Variants in TBCK observed in about 807,000 individuals in gnomAD.
TBCK encodes the protein TBC domain-containing protein kinase-like protein.
A neutral mutation model predicts 113.4 loss-of-function variants in TBCK; 99 were observed. The ratio of observed to expected loss-of-function variants is 0.87; its 90% confidence interval spans 0.74 to 1.03. The LOEUF (loss-of-function observed/expected upper bound fraction) is 1.03, where lower values mean the gene tolerates loss of function less well. Ranked by LOEUF, TBCK falls within the 50% of genes least tolerant of loss-of-function variation. The pLI, the probability that TBCK is intolerant of heterozygous loss-of-function variation, is 0.00. For synonymous variants in TBCK, 369 were observed against 370.8 expected, an observed-to-expected ratio of 1.00 and a Z score of 0.05; for missense variants, 1,045 against 1,061.3, an observed-to-expected ratio of 0.98 and a Z score of 0.21.
intron 2 of TBCK, among the ~76,000 whole-genome samples, chr4:106,302,234 C>A (rs986535925): frequency 2.6e-5 from 4 of 152,102 alleles, no homozygotes; most frequent in African/African-American, 9.7e-5. Context: ...AGTAGCAGGG[C>A]AGGTCAGGGA....
Position 106,247,238 on chromosome 4 carries a change from G to A in TBCK, c.832C>T (p.Pro278Ser). ...GGTTTGGTAAAGGGGGTATATAAAG[G>A]TGATACCTCACTGAATACTTTGTCC... ...MKDKVFSEVSPLYTPFTKPAS... is the reference protein window; with the variant it reads ...MKDKVFSEVSSLYTPFTKPAS... Residue 278 changes from proline (P) to serine (S), a missense_variant, in exon 10 of 26, where the codon CCT (proline) becomes TCT (serine). By Grantham distance (74) the Pro-to-Ser change is moderately conservative (BLOSUM62 -1). Transcript: ENST00000394708. 1.2e-6 allele frequency: 2 copies of A among 1,612,456 alleles called. No homozygotes were observed. Among genetic ancestry groups the A allele is most frequent in the East Asian group, 4.5e-5 (2 of 44,822 alleles).
chr4:106,217,436 T>C (rs1022408483), intron 19 of TBCK, among the ~76,000 whole-genome samples: 1 of 152,210 alleles, frequency 6.6e-6, no homozygotes, highest in Non-Finnish European at 1.5e-5. Context: ...TTGTCCCTGT[T>C]TGCAGATGAC....
At position 106,046,525 on chromosome 4, in the gene TBCK, G is replaced by A; in HGVS notation, c.*45C>T. ...CGTGGATATGAAGAACTGTGCTGTT[G>A]GTGCTGATGCCACACTAAGTTTTGG... On this transcript the variant is annotated 3_prime_UTR_variant, in exon 26 of 26. Transcript: ENST00000394708. 9.7e-7 allele frequency: 1 copy of A among 1,030,292 alleles called. No homozygotes were observed. Among genetic ancestry groups the A allele is most frequent in the Non-Finnish European group, 1.5e-6 (1 of 651,860 alleles). The allele number at this position is 1,030,292 out of a possible 1,614,324, so 63.8% of individuals were successfully genotyped here. A position where few individuals can be genotyped will look rare whatever the true frequency, so the allele number is the denominator to read the frequency against.
chr4:106,280,622 G>A (rs1244938101), intron 3 of TBCK, among the ~76,000 whole-genome samples: 2 of 152,120 alleles, frequency 1.3e-5, no homozygotes, highest in Non-Finnish European at 2.9e-5. Context: ...TTGAGAGACA[G>A]AGGTCTAGTT....
chr4:106,221,332 T>TAC (rs989932455), intron 19 of TBCK, among the ~76,000 whole-genome samples: 2 of 151,830 alleles, frequency 1.3e-5, no homozygotes, highest in African/African-American at 4.8e-5. Context: ...TACATATATA[T>TAC]ACACACACAC....
intron 23 of TBCK, among the ~76,000 whole-genome samples, chr4:106,135,798 T>TG (rs1746486815): frequency 7.1e-6 from 1 of 141,456 alleles, no homozygotes; most frequent in African/African-American, 2.5e-5. Context: ...AAAATGACAA[T>TG]GGAGAGACTA....
chr4:106,082,155 A>G (rs1423885506), intron 25 of TBCK, among the ~76,000 whole-genome samples: 1 of 152,244 alleles, frequency 6.6e-6, no homozygotes, highest in Non-Finnish European at 1.5e-5. Flanking sequence ...ATGTGGATAT[A>G]TATTGTAGCA....
At chr4:106,256,247 C>T (rs540079282) in intron 5 of TBCK, among the ~76,000 whole-genome samples, 447 of 152,254 alleles carry the variant, frequency 2.9e-3, no homozygotes, top group Non-Finnish European at 4.4e-3. Context: ...TCACCAGGGA[C>T]CTGCCCCCTT....
chr4:106,236,332 A>C (rs1326424725), intron 14 of TBCK, 58 bp downstream of exon 14: 1 of 1,285,438 alleles, frequency 7.8e-7, no homozygotes, highest in East Asian at 2.8e-5. Flanking sequence ...TTATTGAAAA[A>C]ATTAAAAAAA....
chr4:106,049,317 A>G (rs1734551416), intron 25 of TBCK, among the ~76,000 whole-genome samples: 1 of 152,046 alleles, frequency 6.6e-6, no homozygotes, highest in Admixed American at 6.6e-5. Flanking sequence ...AAGTTTAGGG[A>G]TCTTAGCAGT....
chr4:106,094,952 TA>T (rs1172808645), intron 25 of TBCK, among the ~76,000 whole-genome samples: 5 of 152,232 alleles, frequency 3.3e-5, no homozygotes, highest in South Asian at 2.1e-4. Flanking sequence ...AAAATAAAGA[TA>T]TTTTTGGCCT....
At chr4:106,121,319 G>T (rs1173306208) in intron 23 of TBCK, among the ~76,000 whole-genome samples, 1 of 149,912 alleles carries the variant, frequency 6.7e-6, no homozygotes, top group Admixed American at 6.6e-5. Flanking sequence ...AACAAGAAGA[G>T]CTAACTATCC....
chr4:106,300,640 G>C (rs1178867354), intron 2 of TBCK, among the ~76,000 whole-genome samples: 2 of 152,180 alleles, frequency 1.3e-5, no homozygotes, highest in Non-Finnish European at 2.9e-5. Flanking sequence ...AGTTTTATGA[G>C]TCAGCTTAGC....
At chr4:106,145,385 C>A (rs888582580) in intron 23 of TBCK, among the ~76,000 whole-genome samples, 1 of 152,190 alleles carries the variant, frequency 6.6e-6, no homozygotes, top group South Asian at 2.1e-4. Flanking sequence ...GGAGAAAGAA[C>A]ATTTCAATTT....
At chr4:106,201,423 A>G (rs1437810434) in intron 20 of TBCK, among the ~76,000 whole-genome samples, 1 of 152,114 alleles carries the variant, frequency 6.6e-6, no homozygotes, top group East Asian at 1.9e-4. Flanking sequence ...AATATTAGAG[A>G]TATTATTAGC....
intron 19 of TBCK, among the ~76,000 whole-genome samples, chr4:106,215,998 G>T (rs1371451095): frequency 6.7e-6 from 1 of 148,208 alleles, no homozygotes; most frequent in Non-Finnish European, 1.5e-5. Flanking sequence ...TAAAAGAACA[G>T]AAATTATAAC....
chr4:106,253,652 A>G (rs1449342628), intron 5 of TBCK, among the ~76,000 whole-genome samples: 1 of 152,230 alleles, frequency 6.6e-6, no homozygotes, highest in East Asian at 1.9e-4. Flanking sequence ...AATCTGGTAT[A>G]TAAAATCTAT....
chr4:106,295,455 T>G (rs1766198917), intron 2 of TBCK, among the ~76,000 whole-genome samples: 1 of 152,198 alleles, frequency 6.6e-6, no homozygotes, highest in South Asian at 2.1e-4. Context: ...TAACTCACCC[T>G]TCTTCTGACA....
chr4:106,148,538 T>A (rs538309226), intron 23 of TBCK, among the ~76,000 whole-genome samples: 41 of 152,344 alleles, frequency 2.7e-4, no homozygotes, highest in African/African-American at 9.4e-4. Flanking sequence ...TTCCTGTACA[T>A]ATCCATCAGA....
Sources: gnomAD v4.1 joint callset for allele counts (sites outside exome capture counted in the v4.1 genomes callset) on GRCh38, gnomAD v4.1.1 for gene constraint, MANE v1.5 for transcripts, NCBI Gene and HGNC (gene_info 2026-07-23, HGNC 2026-07-21) for gene names.